ABCC11: variants seen among roughly 807,000 people sequenced by gnomAD.
ABCC11 encodes ATP binding cassette subfamily C member 11, also known as ATP-binding cassette sub-family C member 11.
ABCC11 carries 135 observed loss-of-function variants against 149.3 expected under a neutral mutation model. That is an observed-to-expected ratio of 0.90 (90% CI 0.79 to 1.04). The LOEUF (loss-of-function observed/expected upper bound fraction) is 1.04. Among genes scored for constraint, ABCC11 ranks in the 50% least tolerant of loss-of-function variants. The pLI is 0.00. For missense variants in ABCC11, 1,680 were observed against 1,722.1 expected (o/e 0.98, Z 0.43); for synonymous variants, 665 against 671.4 (o/e 0.99, Z 0.15).
At chr16:48,167,741 AC>A in intron 28 of ABCC11, 81 bp from the exon 29 acceptor site, 1 of 1,478,832 alleles carries the variant, frequency 6.8e-7, no homozygotes, top group Non-Finnish European at 9.3e-7. Context: ...CCACTAATTC[AC>A]CAGGGCCCTT....
chr16:48,207,802 G>A (rs1159651041), intron 12 of ABCC11, among the ~76,000 whole-genome samples: 5 of 152,120 alleles, frequency 3.3e-5, no homozygotes, highest in African/African-American at 9.7e-5. Flanking sequence ...TCGTCCACAG[G>A]GGATGGAATG....
chr16:48,207,700 G>A (rs564819884), intron 12 of ABCC11, among the ~76,000 whole-genome samples: 1 of 152,000 alleles, frequency 6.6e-6, no homozygotes, highest in African/African-American at 2.4e-5. Context: ...GAAGGAAAGG[G>A]AAGGGAAGGG....
intron 11 of ABCC11, 148 bp downstream of exon 11, chr16:48,210,800 C>T: frequency 2.7e-6 from 3 of 1,104,578 alleles, no homozygotes; most frequent in Non-Finnish European, 2.5e-6. Context: ...CTGTGTTTGC[C>T]CTCCATGAAA....
At chr16:48,167,779 T>C in intron 28 of ABCC11, 119 bp from the exon 29 acceptor site, 1 of 1,151,334 alleles carries the variant, frequency 8.7e-7, no homozygotes. Context: ...TTTCTTTAGC[T>C]GGGAAATGGG....
chr16:48,222,612 T>A lies in ABCC11; in HGVS notation c.763A>T (p.Ile255Phe). ...CAGCTGCTTACCTCTCCTGAGGTGA[T>A]GTGTATTACAGACTTAAATTGGATG... ...KLIQFKSVIH[I>F]TSGEAISFFT... The change falls in exon 6 of 30, where the codon ATC becomes TTC. Residue 255 changes from isoleucine to phenylalanine, a missense_variant. Ile to Phe is a conservative substitution (Grantham distance 21). Coordinates refer to ENST00000356608, the MANE Select transcript of ABCC11 (RefSeq NM_001370497.1). The A allele has an allele frequency of 6.2e-7, 1 of 1,614,074 alleles. No individual in the cohort carries two copies. Among genetic ancestry groups the A allele is most frequent in the Non-Finnish European group, 8.5e-7 (1 of 1,179,902 alleles).
At chr16:48,240,363 C>T (rs1468133464) in intron 1 of ABCC11, among the ~76,000 whole-genome samples, 6 of 152,178 alleles carry the variant, frequency 3.9e-5, no homozygotes, top group Non-Finnish European at 7.3e-5. Context: ...AATGAGATTA[C>T]GTCCATTGCA....
rs1054079568 is a variant in ABCC11, at chr16:48,194,046, G to A, written c.2405-64C>T. The A allele has an allele frequency of 4.1e-6, 5 of 1,213,978 alleles. No individual in the cohort carries two copies. In the African/African-American group the frequency reaches 7.5e-5, roughly 18 times the overall value. 75.2% of individuals were successfully genotyped at this position (1,213,978 alleles called of 1,614,324 possible). A position where few individuals can be genotyped will look rare whatever the true frequency, so the allele number is the denominator to read the frequency against. On this transcript the variant is annotated intron_variant, in intron 18 of 29. Transcript: ENST00000356608. Reference sequence around the variant, plus strand: ...CAGGTGCGAGGCAACTGCTGACTCAGCTGCTCGGCCATCTCTGTCTTTGAG... The same window carrying A: ...CAGGTGCGAGGCAACTGCTGACTCAACTGCTCGGCCATCTCTGTCTTTGAG...
At chr16:48,209,226 G>C (rs1239763906) in intron 11 of ABCC11, 1 of 152,212 alleles carries the variant, frequency 6.6e-6, no homozygotes, top group Admixed American at 6.5e-5. Flanking sequence ...GGAGGAACCC[G>C]GGCTCTAAGG....
At chr16:48,203,666 G>A (rs1481603005) in intron 13 of ABCC11, among the ~76,000 whole-genome samples, 5 of 152,096 alleles carry the variant, frequency 3.3e-5, no homozygotes, top group African/African-American at 7.2e-5. Flanking sequence ...TCAGGAGTTC[G>A]AGACCAGCTT....
In ABCC11 at chr16:48,187,392, G is replaced by A; in HGVS notation, c.2742C>T (p.Ile914=). 4 of 1,613,998 alleles carry A rather than the reference G, an allele frequency of 2.5e-6. No homozygotes were observed. Among genetic ancestry groups the A allele is most frequent in the Non-Finnish European group, 3.4e-6 (4 of 1,179,944 alleles). ...AGCAGTTCAAAAGCCGGCCTATTGG[G>A]ATGGTGTCAAAGAAACTCATGGGGC... ...FRCPMSFFDT[I]PIGRLLNCFA... Residue 914 remains isoleucine, a synonymous_variant, in exon 21 of 30, where the codon ATC becomes ATT. Coordinates refer to ENST00000356608, the MANE Select transcript of ABCC11 (RefSeq NM_001370497.1).
chr16:48,233,632 G>T lies in ABCC11; in HGVS notation c.-18-1693C>A, dbSNP rs1354754036. ...TCCCTAGAATGAGGCCCTGTGGATG[G>T]GGCCACGGTATATTGCTGTATGATT... On this transcript the variant is annotated intron_variant, in intron 1 of 29. Coordinates refer to ENST00000356608, the MANE Select transcript of ABCC11 (RefSeq NM_001370497.1). Among the ~76,000 whole-genome samples the T allele has an allele frequency of 3.9e-5, 6 of 152,196 alleles. No individual in the cohort carries two copies. In the East Asian group the frequency reaches 1.2e-3, roughly 29 times the overall value.
At chr16:48,172,248 A>G (rs902841607) in intron 26 of ABCC11, among the ~76,000 whole-genome samples, 1 of 151,922 alleles carries the variant, frequency 6.6e-6, no homozygotes, top group African/African-American at 2.4e-5. Context: ...TATATACCAC[A>G]TTTTGTTTTT....
rs376484596 is a variant in ABCC11, at chr16:48,200,408, G to T, written c.1950C>A (p.Ser650=). 2 of 1,614,238 alleles carry T rather than the reference G, an allele frequency of 1.2e-6. No individual in the cohort carries two copies. The highest frequency in any genetic ancestry group is 1.7e-6 in the Non-Finnish European group (2 of 1,180,036). Residue 650 remains serine, a synonymous_variant, in exon 15 of 30, where the codon TCC becomes TCA. Transcript: ENST00000356608. The stretch of plus-strand genomic sequence containing the variant: ...CGTCCAGCAGGTAGATCTGACGGTC[G>T]GAATAGACGGCGCGGGCCAGGCTGA... ...QRISLARAVY[S]DRQIYLLDDP...
intron 4 of ABCC11, among the ~76,000 whole-genome samples, chr16:48,226,326 G>C (rs1440970910): frequency 2.0e-5 from 3 of 146,916 alleles, no homozygotes; most frequent in African/African-American, 7.6e-5. Context: ...CCAGGCTGGA[G>C]TGCAGTGGCG....
At chr16:48,247,153 A>G (rs1465799104) in intron 1 of ABCC11, among the ~76,000 whole-genome samples, 161 bp downstream of exon 1, 3 of 152,296 alleles carry the variant, frequency 2.0e-5, no homozygotes, top group Non-Finnish European at 2.9e-5. Context: ...AGATTGTACC[A>G]TATTCCTTGG....
In ABCC11 at chr16:48,200,412, T is replaced by C. The variant is rs781039330; in HGVS notation, c.1946A>G (p.Tyr649Cys). 1.8e-5 allele frequency: 29 copies of C among 1,614,120 alleles called. No individual in the cohort carries two copies. The highest frequency in any genetic ancestry group is 1.5e-5 in the Non-Finnish European group (18 of 1,180,050). ...KQRISLARAV[Y>C]SDRQIYLLDD... ...CAGCAGGTAGATCTGACGGTCGGAATAGACGGCGCGGGCCAGGCTGATCCT... is the reference window on the plus strand; with the variant it reads ...CAGCAGGTAGATCTGACGGTCGGAACAGACGGCGCGGGCCAGGCTGATCCT... The change falls in exon 15 of 30, where the codon TAT (tyrosine) becomes TGT (cysteine). Residue 649 changes from tyrosine (Y) to cysteine (C), a missense_variant. Transcript: ENST00000356608.
chr16:48,234,466 C>T (rs1186895959), intron 1 of ABCC11, among the ~76,000 whole-genome samples: 1 of 152,118 alleles, frequency 6.6e-6, no homozygotes, highest in African/African-American at 2.4e-5. Context: ...TGAACAGGTA[C>T]TAGCCGACCA....
intron 6 of ABCC11, among the ~76,000 whole-genome samples, chr16:48,221,974 C>T (rs942289704): frequency 6.7e-6 from 1 of 149,932 alleles, no homozygotes; most frequent in Non-Finnish European, 1.5e-5. Context: ...AGTGCAGTGG[C>T]GTGATCATGG....
At chr16:48,198,102 G>A (rs527607432) in intron 16 of ABCC11, 35 bp from the exon 17 acceptor site, 62 of 1,614,170 alleles carry the variant, frequency 3.8e-5, no homozygotes, top group Admixed American at 3.2e-4. Context: ...GTACACGTGC[G>A]TCCACCGTGG....
Sources: gnomAD v4.1 joint callset for allele counts (sites outside exome capture counted in the v4.1 genomes callset) on GRCh38, gnomAD v4.1.1 for gene constraint, MANE v1.5 for transcripts, NCBI Gene and HGNC (gene_info 2026-07-23, HGNC 2026-07-21) for gene names.